Variants in WNT9B observed in about 807,000 individuals in gnomAD.
The protein encoded by WNT9B is protein Wnt-9b.
WNT9B carries 12 observed loss-of-function variants against 30.2 expected under a neutral mutation model. The ratio of observed to expected loss-of-function variants is 0.40; its 90% CI spans 0.26 to 0.64. The LOEUF (loss-of-function observed/expected upper bound fraction) is 0.64. Ranked by LOEUF, WNT9B falls within the 30% of genes least tolerant of loss-of-function variation. The pLI is 0.42. For missense variants in WNT9B, 442 were observed against 485.2 expected (o/e 0.91, Z 0.84); for synonymous variants, 218 against 216.9 (o/e 1.01, Z -0.05).
chr17:46,865,508 G>A (rs1281827554), intron 1 of WNT9B, among the ~76,000 whole-genome samples: 2 of 152,170 alleles, frequency 1.3e-5, no homozygotes, highest in African/African-American at 4.8e-5. Context: ...GTGAGAGCTG[G>A]GTAGGGAAGG....
At position 46,835,022 on chromosome 17, in the gene WNT9B, T is replaced by A. The variant is rs2084609554; in HGVS notation, c.95+1582T>A. ...CTTCTTCTTCTTTCTGGAGACAGGA[T>A]CTCGCTCTGTTGTCCAGGCTGCAGC... On this transcript the variant is annotated intron_variant, in intron 1 of 2. Coordinates refer to the WNT9B transcript ENST00000575372. Among the ~76,000 whole-genome samples, 3 of 152,128 alleles carry A rather than the reference T, an allele frequency of 2.0e-5. No individual in the cohort carries two copies. The South Asian group carries it at 6.2e-4, about 32-fold the overall frequency.
chr17:46,846,763 T>G (rs1568116781), upstream of WNT9B, among the ~76,000 whole-genome samples: 1 of 152,080 alleles, frequency 6.6e-6, no homozygotes, highest in Non-Finnish European at 1.5e-5. Context: ...CACAACACAA[T>G]TCAAAGAGTT....
Position 46,875,190 on chromosome 17 carries a change from C to T in WNT9B, c.424C>T (p.Arg142Cys), listed in dbSNP as rs769660426. 19 of 1,614,106 alleles carry T rather than the reference C, an allele frequency of 1.2e-5. No homozygotes were observed. Among genetic ancestry groups the T allele is most frequent in the South Asian group, 2.2e-5 (2 of 91,078 alleles). Residue 142 changes from arginine to cysteine, a missense_variant, in exon 3 of 4, where the codon CGC becomes TGC. Arg to Cys is a radical substitution (Grantham distance 180). Transcript: ENST00000290015. ...GGCCTGCAGCGCTGGGCGCATGGAG[C>T]GCTGCACCTGTGATGACTCTCCGGG... ...ARACSAGRMERCTCDDSPGLE... is the reference protein window; with the variant it reads ...ARACSAGRMECCTCDDSPGLE...
chr17:46,872,578 C>G lies in WNT9B; in HGVS notation c.139C>G (p.Gln47Glu). 2 of 1,602,066 alleles carry G rather than the reference C, an allele frequency of 1.2e-6. No homozygotes were observed. Among genetic ancestry groups the G allele is most frequent in the Non-Finnish European group, 1.7e-6 (2 of 1,173,170 alleles). The change falls in exon 2 of 4, where the codon CAG becomes GAG. Residue 47 changes from glutamine to glutamate, a missense_variant. By Grantham distance (29) the Gln-to-Glu change is conservative (BLOSUM62 2). Transcript: ENST00000290015. ...ATTGGGCACTGCGGCAGCCCCGGCA[C>G]AGGGCGGGGCCCACCTGAAGCAGTG... Reference protein sequence around the residue: ...PGLGTAAAPAQGGAHLKQCDL... With the variant: ...PGLGTAAAPAEGGAHLKQCDL...
downstream of WNT9B, chr17:46,885,090 G>T: frequency 2.3e-6 from 1 of 437,788 alleles, no homozygotes; most frequent in South Asian, 1.6e-5. Context: ...CCGGATTCAA[G>T]CGATTCTCCC....
intron 1 of WNT9B, among the ~76,000 whole-genome samples, chr17:46,846,292 A>G (rs79719688): frequency 1.5e-3 from 228 of 152,306 alleles, no homozygotes; most frequent in African/African-American, 5.3e-3. Context: ...CCACAGTCCA[A>G]TGTTTATTCA....
chr17:46,872,579 A>G lies in WNT9B; in HGVS notation c.140A>G (p.Gln47Arg), dbSNP rs118185468. The change falls in exon 2 of 4, where the codon CAG becomes CGG. Residue 47 changes from glutamine (Q) to arginine (R), a missense_variant. By Grantham distance (43) the Gln-to-Arg change is conservative. Transcript: ENST00000290015. ...TTGGGCACTGCGGCAGCCCCGGCAC[A>G]GGGCGGGGCCCACCTGAAGCAGTGT... ...PGLGTAAAPA[Q>R]GGAHLKQCDL... The G allele has an allele frequency of 6.4e-3, 10,233 of 1,602,258 alleles. 79 individuals are homozygous for G. The highest frequency in any genetic ancestry group is 0.013 in the South Asian group (1,148 of 89,592).
rs1455173739 is a variant in WNT9B at position 46,876,473 on chromosome 17, A to C, written c.829A>C (p.Arg277=). The C allele has an allele frequency of 6.2e-7, 1 of 1,613,562 alleles. No individual in the cohort carries two copies. The highest frequency in any genetic ancestry group is 8.5e-7 in the Non-Finnish European group (1 of 1,180,042). ...QGSLTKGLAP[R]SGDLVYMEDS... is the part of the protein sequence containing the mutation. ...CAGCCTCACCAAAGGCCTGGCCCCA[A>C]GGTCTGGGGACCTGGTGTACATGGA... Residue 277 remains arginine, a synonymous_variant, in exon 4 of 4, where the codon AGG becomes CGG. Coordinates refer to ENST00000290015, the MANE Select transcript of WNT9B (RefSeq NM_003396.3).
At chr17:46,867,689 A>G (rs1425986529) in intron 1 of WNT9B, among the ~76,000 whole-genome samples, 2 of 152,004 alleles carry the variant, frequency 1.3e-5, no homozygotes, top group African/African-American at 2.4e-5. Context: ...TTTAGCCACA[A>G]TTGTGGGTGG....
chr17:46,834,079 CAG>C (rs2084591992), intron 1 of WNT9B, among the ~76,000 whole-genome samples: 1 of 152,144 alleles, frequency 6.6e-6, no homozygotes, highest in Non-Finnish European at 1.5e-5. Context: ...TTTGCAGTCT[CAG>C]CTACTCGGGA....
chr17:46,852,759 T>C (rs1198304906), intron 1 of WNT9B, among the ~76,000 whole-genome samples: 1 of 152,046 alleles, frequency 6.6e-6, no homozygotes, highest in East Asian at 1.9e-4. Flanking sequence ...ACAGTCTGAG[T>C]ATATACAGCA....
At position 46,874,342 on chromosome 17, in the gene WNT9B, G is replaced by A. The variant is rs144708185; in HGVS notation, c.335-759G>A. Among the ~76,000 whole-genome samples, 390 of 152,288 alleles carry A rather than the reference G, an allele frequency of 2.6e-3. 2 individuals carry two copies. The highest frequency in any genetic ancestry group is 9.0e-3 in the African/African-American group (373 of 41,564). On this transcript the variant is annotated intron_variant, in intron 2 of 3. Coordinates refer to ENST00000290015, the MANE Select transcript of WNT9B (RefSeq NM_003396.3). ...TCATGTGTCATAGGAAGCCCATGGG[G>A]CTTATCTCAGGGGCCTCAGAAATGG...
chr17:46,875,994 G>T (rs531128932), intron 3 of WNT9B, among the ~76,000 whole-genome samples: 2 of 151,774 alleles, frequency 1.3e-5, no homozygotes, highest in Admixed American at 6.6e-5. Context: ...GCTGTGTTCA[G>T]TCACTGAGTT....
chr17:46,868,261 A>T (rs990995735), intron 1 of WNT9B, among the ~76,000 whole-genome samples: 1 of 152,218 alleles, frequency 6.6e-6, no homozygotes, highest in Non-Finnish European at 1.5e-5. Context: ...CTGATCTGAT[A>T]GCATCTCATT....
intron 1 of WNT9B, among the ~76,000 whole-genome samples, chr17:46,869,796 C>T (rs1376268449): frequency 3.9e-5 from 6 of 151,934 alleles, no homozygotes; most frequent in South Asian, 2.1e-4. Flanking sequence ...GTCAGGAGTT[C>T]GAAACCAGCC....
chr17:46,853,322 C>T (rs1211279412), intron 1 of WNT9B, among the ~76,000 whole-genome samples: 1 of 146,050 alleles, frequency 6.8e-6, no homozygotes, highest in Non-Finnish European at 1.5e-5. Flanking sequence ...GCACTTAGGA[C>T]AGTGTCTAGC....
chr17:46,836,095 C>CGTGTGTGTGTGT (rs59862934), intron 1 of WNT9B, among the ~76,000 whole-genome samples: 4,244 of 126,408 alleles, frequency 0.034, 180 homozygotes, highest in East Asian at 0.13. Context: ...GAGACGCTGA[C>CGTGTGTGTGTGT]GTGTGTGTGT....
chr17:46,837,967 G>A (rs147467242), intron 1 of WNT9B, among the ~76,000 whole-genome samples: 73 of 152,262 alleles, frequency 4.8e-4, no homozygotes, highest in Non-Finnish European at 7.8e-4. Flanking sequence ...GGTGGGTGGC[G>A]TTTTCCACGT....
chr17:46,870,079 T>C (rs2085213166), intron 1 of WNT9B, among the ~76,000 whole-genome samples: 1 of 152,234 alleles, frequency 6.6e-6, no homozygotes, highest in Non-Finnish European at 1.5e-5. Context: ...GCTATTATTC[T>C]TAAAATGGCA....
Sources: gnomAD v4.1 joint callset for allele counts (sites outside exome capture counted in the v4.1 genomes callset) on GRCh38, gnomAD v4.1.1 for gene constraint, MANE v1.5 for transcripts, NCBI Gene and HGNC (gene_info 2026-07-23, HGNC 2026-07-21) for gene names.